SERPINB7: variants seen among roughly 807,000 people sequenced by gnomAD.
SERPINB7 encodes the protein serpin B7.
SERPINB7 carries 31 observed loss-of-function variants against 37.4 expected under a neutral mutation model. The observed-to-expected ratio is 0.83, with a 90% CI of 0.62 to 1.12. SERPINB7 has a LOEUF of 1.12. SERPINB7 is among the 50% of genes most tolerant of loss of function. The probability of loss-of-function intolerance (pLI) is 0.00; values close to 1 mark genes in which losing one functional copy is unlikely to be tolerated. For missense variants in SERPINB7, 521 were observed against 455.3 expected (o/e 1.14, Z -1.31); for synonymous variants, 163 against 166.1 (o/e 0.98, Z 0.14).
chr18:63,773,108 T>C (rs1485743289), upstream of SERPINB7, among the ~76,000 whole-genome samples: 1 of 151,942 alleles, frequency 6.6e-6, no homozygotes, highest in Non-Finnish European at 1.5e-5. Flanking sequence ...AAAGAATACA[T>C]CAAGAAGTAA....
chr18:63,795,881 T>C (rs1200007593), intron 4 of SERPINB7, among the ~76,000 whole-genome samples: 1 of 152,140 alleles, frequency 6.6e-6, no homozygotes, highest in African/African-American at 2.4e-5. Context: ...TTGGGCTTTG[T>C]CTTGAGTGCA....
chr18:63,785,185 T>C (rs1271020410), intron 2 of SERPINB7, among the ~76,000 whole-genome samples: 1 of 152,246 alleles, frequency 6.6e-6, no homozygotes, highest in Non-Finnish European at 1.5e-5. Flanking sequence ...AAATGTCTTC[T>C]AGGAAATTAA....
chr18:63,769,337 A>G (rs577132224), intron 1 of SERPINB7, among the ~76,000 whole-genome samples: 34 of 152,028 alleles, frequency 2.2e-4, no homozygotes, highest in African/African-American at 8.0e-4. Context: ...ATTTGCTATT[A>G]CTATCTATTT....
intron 2 of SERPINB7, among the ~76,000 whole-genome samples, chr18:63,788,505 TA>T (rs905752266): frequency 6.6e-6 from 1 of 152,184 alleles, no homozygotes; most frequent in Non-Finnish European, 1.5e-5. Flanking sequence ...GTTTATAAAG[TA>T]AAAAAGTTAA....
intron 7 of SERPINB7, among the ~76,000 whole-genome samples, chr18:63,802,640 G>C (rs760517826): frequency 6.6e-6 from 1 of 152,096 alleles, no homozygotes; most frequent in Non-Finnish European, 1.5e-5. Context: ...ATACTGAAAA[G>C]TTACATACAC....
chr18:63,798,768 T>C, intron 6 of SERPINB7, 22 bp downstream of exon 6: 1 of 1,609,548 alleles, frequency 6.2e-7, no homozygotes, highest in Non-Finnish European at 8.5e-7. Flanking sequence ...ATCTCCTATT[T>C]AATTTAGAAC....
At chr18:63,768,670 C>G (rs1336393968) in intron 1 of SERPINB7, among the ~76,000 whole-genome samples, 1 of 151,970 alleles carries the variant, frequency 6.6e-6, no homozygotes, top group Admixed American at 6.6e-5. Context: ...TAATAAATTG[C>G]ATCAATTTAA....
chr18:63,785,881 T>A (rs2049359510), intron 2 of SERPINB7, among the ~76,000 whole-genome samples: 1 of 110,170 alleles, frequency 9.1e-6, no homozygotes, highest in Non-Finnish European at 1.9e-5. Flanking sequence ...ATTGAAATGC[T>A]TTATATATAT....
intron 1 of SERPINB7, among the ~76,000 whole-genome samples, chr18:63,776,811 G>GC (rs2049252960): frequency 6.6e-6 from 1 of 151,856 alleles, no homozygotes; most frequent in African/African-American, 2.4e-5. Flanking sequence ...TTTCTCTGGA[G>GC]TTAATAATTA....
chr18:63,783,224 G>A (rs372247508), intron 2 of SERPINB7, among the ~76,000 whole-genome samples: 3,043 of 53,194 alleles, frequency 0.057, 101 homozygotes, highest in East Asian at 0.21. Flanking sequence ...GAGAGAGAGA[G>A]AGAGAGAGAG....
chr18:63,754,039 C>T (rs1462668406), intron 1 of SERPINB7, among the ~76,000 whole-genome samples: 1 of 152,168 alleles, frequency 6.6e-6, no homozygotes, highest in Non-Finnish European at 1.5e-5. Context: ...GAAATGGTAA[C>T]AGCAGAACAT....
At position 63,804,471 on chromosome 18, in the gene SERPINB7, A is replaced by G. The variant is rs757403819; in HGVS notation, c.979A>G (p.Ile327Val). The change falls in exon 8 of 8, where the codon ATA (isoleucine) becomes GTA (valine). Residue 327 changes from isoleucine to valine, a missense_variant. Transcript: ENST00000398019. ...ATCAAGGATGATGCACAAATCTTAC[A>G]TAGAGGTCACTGAGGAGGGCACCGA... ...YISRMMHKSYIEVTEEGTEAT... is the reference protein window; with the variant it reads ...YISRMMHKSYVEVTEEGTEAT... The G allele has an allele frequency of 6.2e-7, 1 of 1,613,792 alleles. No homozygotes were observed. The highest frequency in any genetic ancestry group is 8.5e-7 in the Non-Finnish European group (1 of 1,179,872).
At chr18:63,800,734 C>T in intron 6 of SERPINB7, 132 bp from the exon 7 acceptor site, 1 of 866,852 alleles carries the variant, frequency 1.2e-6, no homozygotes, top group South Asian at 1.8e-5. Context: ...CTATTGGTAA[C>T]ATGTCAGGAA....
At chr18:63,787,183 T>G (rs562671471) in intron 2 of SERPINB7, among the ~76,000 whole-genome samples, 1 of 152,192 alleles carries the variant, frequency 6.6e-6, no homozygotes, top group African/African-American at 2.4e-5. Context: ...TTGCGTCATG[T>G]TGATGCTCAA....
In SERPINB7 at chr18:63,800,793, T is replaced by C. The variant is rs1218310490; in HGVS notation, c.598-73T>C. ...AAAAATTTATTGACCAAGTACAATA[T>C]TCTTATATGTATTTGGTTAATAAAG... On this transcript the variant is annotated intron_variant, in intron 6 of 7. Coordinates refer to ENST00000398019, the MANE Select transcript of SERPINB7 (RefSeq NM_003784.4). The C allele has an allele frequency of 5.4e-5, 82 of 1,520,456 alleles. 1 individual carries two copies. Among genetic ancestry groups the C allele is most frequent in the Non-Finnish European group, 1.9e-5 (21 of 1,121,354 alleles). The allele number at this position is 1,520,456 out of a possible 1,614,324, so 94.2% of individuals were successfully genotyped here. A position where few individuals can be genotyped will look rare whatever the true frequency, so the allele number is the denominator to read the frequency against.
chr18:63,767,042 G>A lies in SERPINB7; in HGVS notation c.-19+13922G>A, dbSNP rs560411293. ...TACATCTCTGTTCACAGCATGGTTA[G>A]CCTTCTCCTGTCCTATGCTGAGTAA... On this transcript the variant is annotated intron_variant, in intron 1 of 7. Coordinates refer to the SERPINB7 transcript ENST00000336429. 4.9e-4 allele frequency among the ~76,000 whole-genome samples: 74 copies of A among 152,154 alleles called. 1 individual carries two copies. In the South Asian group the frequency reaches 0.015, roughly 31 times the overall value.
intron 2 of SERPINB7, among the ~76,000 whole-genome samples, chr18:63,790,021 G>T (rs2049410747): frequency 1.3e-5 from 2 of 152,088 alleles, no homozygotes; most frequent in Non-Finnish European, 2.9e-5. Context: ...TTTTTCCATA[G>T]GTGAAAACAT....
intron 1 of SERPINB7, among the ~76,000 whole-genome samples, chr18:63,754,427 C>T (rs750728443): frequency 6.6e-6 from 1 of 152,098 alleles, no homozygotes; most frequent in Non-Finnish European, 1.5e-5. Flanking sequence ...AACTTGGTCT[C>T]GTTGCCATAG....
At chr18:63,770,061 G>T (rs984261992) in intron 1 of SERPINB7, among the ~76,000 whole-genome samples, 4 of 148,818 alleles carry the variant, frequency 2.7e-5, no homozygotes, top group African/African-American at 9.9e-5. Flanking sequence ...GCTTGTGTTT[G>T]CTTAGTGTAG....
Sources: allele counts gnomAD v4.1 joint callset (sites outside exome capture counted in the v4.1 genomes callset), GRCh38; gene constraint gnomAD v4.1.1; transcripts MANE v1.5; gene names NCBI Gene and HGNC (gene_info 2026-07-23, HGNC 2026-07-21).